ACOT7: variants seen among roughly 807,000 people sequenced by gnomAD.
The protein encoded by ACOT7 is cytosolic acyl coenzyme A thioester hydrolase.
In ACOT7, 12 loss-of-function variants were observed where a neutral mutation model predicts 40.2. That is an observed-to-expected ratio of 0.30 (90% CI 0.19 to 0.48). The LOEUF is 0.48. ACOT7 is among the 20% of genes least tolerant of loss of function. ACOT7 has a pLI of 0.99. For synonymous variants in ACOT7, 228 were observed against 219.5 expected (o/e 1.04, Z -0.34); for missense variants, 395 against 530.8 (o/e 0.74, Z 2.51).
At position 6,339,574 on chromosome 1, in the gene ACOT7, C is replaced by T. The variant is rs775140548; in HGVS notation, c.277G>A (p.Ala93Thr). 8 of 1,613,330 alleles carry T rather than the reference C, an allele frequency of 5.0e-6. No individual in the cohort carries two copies. Among genetic ancestry groups the T allele is most frequent in the South Asian group, 2.2e-5 (2 of 91,072 alleles). ...NSQNGERCVAALARVERTDFL... is the reference protein window; with the variant it reads ...NSQNGERCVATLARVERTDFL... ...TCGGTGCGCTCGACACGAGCCAGGG[C>T]GGCCACACAGCGCTCCTGTGGAGAC... Residue 93 changes from alanine (A) to threonine (T), a missense_variant, in exon 3 of 9, where the codon GCC (alanine) becomes ACC (threonine). Physicochemically the swap from Ala to Thr is moderately conservative, Grantham distance 58. Around this residue, in one of 2 missense-constraint regions of ACOT7, gnomAD observed 309 missense variants for 470.3 expected, o/e 0.66. Coordinates refer to ENST00000361521, the MANE Select transcript of ACOT7 (RefSeq NM_007274.4).
intron 5 of ACOT7, among the ~76,000 whole-genome samples, chr1:6,325,685 T>C (rs1270134402): frequency 6.6e-6 from 1 of 152,034 alleles, no homozygotes; most frequent in Non-Finnish European, 1.5e-5. Context: ...CAAACTCCTG[T>C]TCAAGCCTCA....
rs1204245223 is a variant in ACOT7, at chr1:6,278,079, T to TG, written c.1014+3022dup. Among the ~76,000 whole-genome samples, 513 of 100,662 alleles carry TG rather than the reference T, an allele frequency of 5.1e-3. 10 individuals are homozygous for TG. In the East Asian group the frequency reaches 0.055, roughly 11 times the overall value. The allele number at this position is 100,662 out of a possible 152,430, so 66.0% of individuals were successfully genotyped here. ...CTGACAGTCCACGCAGCGTCTGCAG[T>TG]GGCGGGGGGTGGTTGGGAGGGGGTC... On this transcript the variant is annotated intron_variant, in intron 8 of 8. Transcript: ENST00000361521. The surrounding 1 kb of genome is among the most constrained non-coding windows in gnomAD (Gnocchi z 4.1).
chr1:6,282,625 G>T lies in ACOT7; in HGVS notation c.830-1339C>A. ...CCCAGAGTGAGAAAGCGGCCAGGTG[G>T]TGGCTGTTGGAGGGCGGTTAGCAGG... On this transcript the variant is annotated intron_variant, in intron 7 of 8. Transcript: ENST00000361521. This position sits in a 1 kb window ranked among gnomAD's most constrained non-coding sequence, Gnocchi z 4.5. The T allele has an allele frequency of 1.0e-6, 1 of 952,590 alleles. No homozygotes were observed. The highest frequency in any genetic ancestry group is 1.5e-6 in the Non-Finnish European group (1 of 673,546). The allele number at this position is 952,590 out of a possible 1,614,324, so 59.0% of individuals were successfully genotyped here. A position where few individuals can be genotyped will look rare whatever the true frequency, so the allele number is the denominator to read the frequency against.
chr1:6,270,407 T>C (rs1638995841), intron 8 of ACOT7, among the ~76,000 whole-genome samples: 1 of 152,170 alleles, frequency 6.6e-6, no homozygotes, highest in South Asian at 2.1e-4. Flanking sequence ...TCTGGGGCAC[T>C]GGCCAGTGGT....
rs1639890900 is a variant in ACOT7, at chr1:6,299,052, C to T, written c.713-4072G>A. On this transcript the variant is annotated intron_variant, in intron 6 of 8. Coordinates refer to ENST00000361521, the MANE Select transcript of ACOT7 (RefSeq NM_007274.4). This position sits in a 1 kb window ranked among gnomAD's most constrained non-coding sequence, Gnocchi z 4.1. The stretch of plus-strand genomic sequence containing the variant: ...GGAGGGGCTTGAGTCCCTCTGTCCC[C>T]GTCTAGAGTGTGAGAGTCACTGCCA... Among the ~76,000 whole-genome samples, 2 of 152,202 alleles carry T rather than the reference C, an allele frequency of 1.3e-5. No individual in the cohort carries two copies. Among genetic ancestry groups the T allele is most frequent in the South Asian group, 2.1e-4 (1 of 4,832 alleles).
intron 1 of ACOT7, among the ~76,000 whole-genome samples, chr1:6,374,135 A>G (rs1642182812): frequency 6.6e-6 from 1 of 152,228 alleles, no homozygotes; most frequent in African/African-American, 2.4e-5. Context: ...CTGCAAGGGA[A>G]GGTGGCAGCA....
Position 6,358,687 on chromosome 1 carries a change from T to C in ACOT7, c.144-8821A>G. 1.2e-6 allele frequency: 1 copy of C among 842,406 alleles called. No individual in the cohort carries two copies. The highest frequency in any genetic ancestry group is 1.9e-6 in the Non-Finnish European group (1 of 525,152). 52.2% of individuals were successfully genotyped at this position (842,406 alleles called of 1,614,324 possible). A position where few individuals can be genotyped will look rare whatever the true frequency, so the allele number is the denominator to read the frequency against. On this transcript the variant is annotated intron_variant, in intron 1 of 8. Transcript: ENST00000361521. The surrounding 1 kb of genome is among the most constrained non-coding windows in gnomAD (Gnocchi z 4.1). ...GGCCAGGTGGGTGCCCTACTGCCCT[T>C]CCTGGCTGCATGACACCAGCCAGCC...
At chr1:6,384,143 A>G (rs1242213095) in intron 1 of ACOT7, among the ~76,000 whole-genome samples, 1 of 151,890 alleles carries the variant, frequency 6.6e-6, no homozygotes, top group Non-Finnish European at 1.5e-5. Context: ...ATATATAAAG[A>G]GCTCTCATCA....
intron 2 of ACOT7, among the ~76,000 whole-genome samples, chr1:6,345,231 GC>G (rs775955565): frequency 1.3e-5 from 2 of 152,226 alleles, no homozygotes; most frequent in African/African-American, 2.4e-5. Flanking sequence ...GCCCGGAAGT[GC>G]CCTCTGCCAC....
At chr1:6,281,043 A>G in intron 8 of ACOT7, 59 bp downstream of exon 8, 1 of 1,571,534 alleles carries the variant, frequency 6.4e-7, no homozygotes, top group Non-Finnish European at 8.6e-7. Flanking sequence ...AGGCCCAAAC[A>G]CAGGGACCCT....
chr1:6,349,660 C>T, intron 2 of ACOT7, 89 bp downstream of exon 2: 2 of 1,288,024 alleles, frequency 1.6e-6, no homozygotes, highest in Non-Finnish European at 1.1e-6. Context: ...GGAGGGAAGG[C>T]TGCAGGCCTG....
intron 3 of ACOT7, among the ~76,000 whole-genome samples, chr1:6,338,000 C>CAA (rs769360339): frequency 0.011 from 801 of 71,094 alleles, 12 homozygotes; most frequent in African/African-American, 0.023. Context: ...GACACCATCT[C>CAA]AAAAAAAAAA....
intron 2 of ACOT7, among the ~76,000 whole-genome samples, chr1:6,344,102 G>A (rs1219525666): frequency 6.6e-6 from 1 of 152,222 alleles, no homozygotes; most frequent in Non-Finnish European, 1.5e-5. Context: ...GTACCACAGG[G>A]AGAGGAAAGA....
At chr1:6,276,455 G>C (rs926554056) in intron 8 of ACOT7, among the ~76,000 whole-genome samples, 1 of 151,956 alleles carries the variant, frequency 6.6e-6, no homozygotes. Flanking sequence ...GCAGCTGCCC[G>C]GAGCGGGTGC....
At chr1:6,356,105 G>A (rs1037216858) in intron 1 of ACOT7, among the ~76,000 whole-genome samples, 1 of 152,184 alleles carries the variant, frequency 6.6e-6, no homozygotes, top group Non-Finnish European at 1.5e-5. Flanking sequence ...TGAGGTCGCC[G>A]TGCCTTAGGA....
At chr1:6,270,800 G>C (rs1267395821) in intron 8 of ACOT7, among the ~76,000 whole-genome samples, 2 of 152,232 alleles carry the variant, frequency 1.3e-5, no homozygotes, top group Non-Finnish European at 2.9e-5. Context: ...AAATACCTGA[G>C]GCCAAGTGCA....
In ACOT7 at chr1:6,327,268, G is replaced by A. The variant is rs757073321; in HGVS notation, c.625+31C>T. ...CTCCTATGCGTCCCCGGTGAGGAGT[G>A]GCACCTGCTGCTGGTGTCCGCGGCT... On this transcript the variant is annotated intron_variant, in intron 5 of 8. Transcript: ENST00000361521. 1.4e-5 allele frequency: 23 copies of A among 1,607,992 alleles called. No homozygotes were observed. In the African/African-American group the frequency reaches 1.6e-4, roughly 11 times the overall value.
intron 1 of ACOT7, among the ~76,000 whole-genome samples, chr1:6,357,222 A>T (rs796126658): frequency 6.6e-5 from 10 of 152,148 alleles, no homozygotes; most frequent in African/African-American, 2.4e-4. Context: ...GGGCAACAAG[A>T]GCGAAACTCC....
chr1:6,338,318 TA>T lies in ACOT7; in HGVS notation c.418+1114del, dbSNP rs796211101. Among the ~76,000 whole-genome samples the T allele has an allele frequency of 4.5e-4, 69 of 152,276 alleles. No individual in the cohort carries two copies. The highest frequency in any genetic ancestry group is 1.7e-3 in the African/African-American group (69 of 41,578). ...GATGGCAGGGAACCCCCAAGGCCCC[TA>T]AAGTGGGGAACCCACCCAGCCCTGA... On this transcript the variant is annotated intron_variant, in intron 3 of 8. Coordinates refer to ENST00000361521, the MANE Select transcript of ACOT7 (RefSeq NM_007274.4). The surrounding 1 kb of genome is among the most constrained non-coding windows in gnomAD (Gnocchi z 4.4).
Sources: allele counts gnomAD v4.1 joint callset (sites outside exome capture counted in the v4.1 genomes callset), GRCh38; gene constraint gnomAD v4.1.1; regional missense constraint gnomAD v4.1.1; non-coding constraint Gnocchi (gnomAD v3.1); transcripts MANE v1.5; gene names NCBI Gene and HGNC (gene_info 2026-07-23, HGNC 2026-07-21).